COL15A1: variants seen among roughly 807,000 people sequenced by gnomAD.
The protein encoded by COL15A1 is collagen alpha-1(XV) chain.
In COL15A1, 111 loss-of-function variants were observed where a neutral mutation model predicts 165.9. That is an observed-to-expected ratio of 0.67 (90% CI 0.57 to 0.78). The LOEUF is 0.78. Among genes scored for constraint, COL15A1 ranks in the 30% least tolerant of loss-of-function variants. The pLI is 0.00. For missense variants in COL15A1, 1,745 were observed against 1,789.7 expected, an observed-to-expected ratio of 0.98 and a Z score of 0.45; for synonymous variants, 659 against 674.8, an observed-to-expected ratio of 0.98 and a Z score of 0.36.
chr9:98,967,533 T>C (rs1317371014), intron 2 of COL15A1, among the ~76,000 whole-genome samples: 2 of 152,202 alleles, frequency 1.3e-5, no homozygotes, highest in African/African-American at 2.4e-5. Flanking sequence ...CCTAGGACAT[T>C]CCTGTTTTCC....
At chr9:98,948,073 G>C (rs1049922140) in intron 2 of COL15A1, among the ~76,000 whole-genome samples, 6 of 152,146 alleles carry the variant, frequency 3.9e-5, no homozygotes, top group African/African-American at 1.4e-4. Context: ...CTAGTTTGAG[G>C]TTTGATTATT....
intron 9 of COL15A1, among the ~76,000 whole-genome samples, chr9:99,010,062 T>C (rs951583392): frequency 6.6e-6 from 1 of 152,222 alleles, no homozygotes; most frequent in Admixed American, 6.5e-5. Context: ...TCTTTGGACC[T>C]TGAGGAGTTG....
intron 5 of COL15A1, among the ~76,000 whole-genome samples, chr9:98,995,182 T>C (rs1247219140): frequency 6.6e-6 from 1 of 152,066 alleles, no homozygotes; most frequent in African/African-American, 2.4e-5. Context: ...GAGAGGAACC[T>C]CCTGGGCAGG....
At chr9:98,967,304 C>G (rs1376112730) in intron 2 of COL15A1, among the ~76,000 whole-genome samples, 1 of 152,202 alleles carries the variant, frequency 6.6e-6, no homozygotes, top group Non-Finnish European at 1.5e-5. Context: ...TGTGCCGACC[C>G]TTCTCTGTAC....
At chr9:99,015,343 C>T (rs1588515960) in intron 9 of COL15A1, 74 bp from the exon 10 acceptor site, 20 of 993,688 alleles carry the variant, frequency 2.0e-5, no homozygotes, top group South Asian at 1.9e-4. Flanking sequence ...GCGCTTTCCA[C>T]CCCCCAGCCT....
intron 12 of COL15A1, 87 bp downstream of exon 12, chr9:99,020,529 G>T: frequency 1.1e-6 from 1 of 900,024 alleles, no homozygotes; most frequent in Non-Finnish European, 1.8e-6. Flanking sequence ...AGCCCACTCT[G>T]ATCAAGGGGA....
chr9:98,977,247 C>T (rs1838156108), intron 2 of COL15A1, among the ~76,000 whole-genome samples: 1 of 152,220 alleles, frequency 6.6e-6, no homozygotes, highest in Non-Finnish European at 1.5e-5. Context: ...CATCAGCATG[C>T]TCCACGCCAG....
rs1023553293 is a variant in COL15A1 at position 99,013,282 on chromosome 9, T to TG, written c.1354-2128dup. 3.3e-5 allele frequency among the ~76,000 whole-genome samples: 5 copies of TG among 152,098 alleles called. 1 individual carries two copies. Among genetic ancestry groups the TG allele is most frequent in the Non-Finnish European group, 5.9e-5 (4 of 68,002 alleles). On this transcript the variant is annotated intron_variant, in intron 9 of 41. Coordinates refer to ENST00000375001, the MANE Select transcript of COL15A1 (RefSeq NM_001855.5). ...TTCCCTGTAGGGTTGCTGCATGTCA[T>TG]GGGGGGGTCAACCCCCCAAGACACT...
At chr9:99,068,504 A>T in intron 40 of COL15A1, 51 bp from the exon 41 acceptor site, 2 of 729,330 alleles carry the variant, frequency 2.7e-6, no homozygotes, top group Middle Eastern at 3.6e-4. Context: ...AATCTAACTC[A>T]TTTGTAGGCT....
chr9:99,065,159 C>A (rs139998254), intron 39 of COL15A1, among the ~76,000 whole-genome samples: 4 of 152,196 alleles, frequency 2.6e-5, no homozygotes, highest in Admixed American at 2.0e-4. Flanking sequence ...TCAGAAACAA[C>A]CGTAATTTCA....
intron 2 of COL15A1, among the ~76,000 whole-genome samples, chr9:98,965,772 C>T (rs1406811802): frequency 4.6e-5 from 7 of 152,210 alleles, no homozygotes; most frequent in Admixed American, 4.6e-4. Context: ...CCTCTTTAAG[C>T]CCCTACAGGA....
intron 23 of COL15A1, chr9:99,040,760 C>T (rs1839388145): frequency 1.2e-6 from 1 of 842,788 alleles, no homozygotes; most frequent in Admixed American, 2.7e-5. Context: ...CTCAAGAAAT[C>T]CATCTGCGTC....
chr9:98,998,996 C>A (rs112187387), intron 6 of COL15A1, among the ~76,000 whole-genome samples: 1 of 152,244 alleles, frequency 6.6e-6, no homozygotes, highest in Non-Finnish European at 1.5e-5. Flanking sequence ...TCCTTCTTCC[C>A]AGGGGTCAGT....
chr9:98,971,987 T>C lies in COL15A1; in HGVS notation c.101-13578T>C, dbSNP rs556531390. On this transcript the variant is annotated intron_variant, in intron 2 of 41. Transcript: ENST00000375001. ...TGAACGGAGGTGCTGTACTGACAGC[T>C]TGAGAGTGCCCCGCCCTGGTCAGCA... is the stretch of plus-strand genomic sequence containing the variant. Among the ~76,000 whole-genome samples, 3 of 152,316 alleles carry C rather than the reference T, an allele frequency of 2.0e-5. No homozygotes were observed. The South Asian group carries it at 6.2e-4, about 32-fold the overall frequency.
chr9:99,056,236 G>C, intron 34 of COL15A1, 24 bp from the exon 35 acceptor site: 1 of 1,612,584 alleles, frequency 6.2e-7, no homozygotes. Flanking sequence ...CTTTCTCTCT[G>C]TTATTGTGTG....
chr9:99,024,608 G>A (rs1839089664), intron 14 of COL15A1, among the ~76,000 whole-genome samples: 2 of 152,100 alleles, frequency 1.3e-5, no homozygotes, highest in African/African-American at 4.8e-5. Flanking sequence ...GATCTTTCTT[G>A]TATTCAGCCT....
intron 2 of COL15A1, among the ~76,000 whole-genome samples, chr9:98,946,417 C>G (rs1000975162): frequency 2.0e-5 from 3 of 152,148 alleles, no homozygotes; most frequent in Non-Finnish European, 2.9e-5. Flanking sequence ...ATGAGCCCCA[C>G]AATCTGAATG....
chr9:98,998,775 C>T (rs769109172), intron 6 of COL15A1, among the ~76,000 whole-genome samples: 2 of 152,208 alleles, frequency 1.3e-5, no homozygotes, highest in East Asian at 1.9e-4. Context: ...CTGATCCCAA[C>T]GCAGCTCGCC....
chr9:98,961,858 G>A (rs1287532116), intron 2 of COL15A1, among the ~76,000 whole-genome samples: 1 of 152,240 alleles, frequency 6.6e-6, no homozygotes, highest in African/African-American at 2.4e-5. Context: ...TAAGAGAAGA[G>A]AATTTAAGAG....
Sources: gnomAD v4.1 joint callset for allele counts (sites outside exome capture counted in the v4.1 genomes callset) on GRCh38, gnomAD v4.1.1 for gene constraint, MANE v1.5 for transcripts, NCBI Gene and HGNC (gene_info 2026-07-23, HGNC 2026-07-21) for gene names.